SULT1E1: variants seen among roughly 807,000 people sequenced by gnomAD.
SULT1E1 encodes the protein sulfotransferase family 1E member 1, also known as sulfotransferase 1E1.
A neutral mutation model predicts 33.6 loss-of-function variants in SULT1E1; 36 were observed. The observed-to-expected ratio is 1.07, with a 90% CI of 0.82 to 1.41. The LOEUF is 1.41. Among genes scored for constraint, SULT1E1 ranks in the 40% most tolerant of loss-of-function variants. The probability of loss-of-function intolerance (pLI) is 0.00; values close to 1 mark genes in which losing one functional copy is unlikely to be tolerated. For missense variants in SULT1E1, 371 were observed against 345.7 expected, an observed-to-expected ratio of 1.07 and a Z score of -0.58; for synonymous variants, 121 against 111.7, an observed-to-expected ratio of 1.08 and a Z score of -0.53.
chr4:69,832,680 C>A, the SULT1E1 span, among the ~76,000 whole-genome samples: 381 of 150,628 alleles, frequency 2.5e-3, 1 homozygote, highest in Non-Finnish European at 4.2e-3. Context: ...CATCTTGCGA[C>A]CCCCCCACCA....
chr4:69,826,266 A>C, the SULT1E1 span, among the ~76,000 whole-genome samples: 1 of 152,210 alleles, frequency 6.6e-6, no homozygotes, highest in East Asian at 1.9e-4. Context: ...CTAACAGGAG[A>C]ATGCTTAGGA....
the SULT1E1 span, among the ~76,000 whole-genome samples, chr4:69,835,362 T>TA: frequency 3.9e-5 from 6 of 152,262 alleles, no homozygotes; most frequent in African/African-American, 1.4e-4. Context: ...GTGCGTGTCT[T>TA]ACTGTCTTTG....
the SULT1E1 span, among the ~76,000 whole-genome samples, chr4:69,823,674 A>T: frequency 1.3e-5 from 2 of 152,304 alleles, no homozygotes; most frequent in South Asian, 4.1e-4. Context: ...CTTTGTAAAT[A>T]GCCCCATGAA....
At chr4:69,824,478 T>C in the SULT1E1 span, among the ~76,000 whole-genome samples, 16 of 152,192 alleles carry the variant, frequency 1.1e-4, no homozygotes, top group Non-Finnish European at 1.8e-4. Flanking sequence ...GAGCTCCTTT[T>C]TTCTCACTTT....
chr4:69,835,138 G>T, the SULT1E1 span, among the ~76,000 whole-genome samples: 1 of 151,906 alleles, frequency 6.6e-6, no homozygotes, highest in Admixed American at 6.6e-5. Flanking sequence ...TTTTCCCTCT[G>T]CCCAGAACAT....
At chr4:69,834,612 C>T in the SULT1E1 span, among the ~76,000 whole-genome samples, 2 of 152,098 alleles carry the variant, frequency 1.3e-5, no homozygotes, top group South Asian at 4.1e-4. Flanking sequence ...TGGTAAATCA[C>T]CAGTTTGTGA....
chr4:69,831,399 T>C, the SULT1E1 span, among the ~76,000 whole-genome samples: 1 of 152,166 alleles, frequency 6.6e-6, no homozygotes, highest in South Asian at 2.1e-4. Context: ...TATTGAGGCA[T>C]GAATTGATAT....
intron 2 of SULT1E1, 51 bp from the exon 3 acceptor site, chr4:69,855,477 G>A: frequency 6.4e-7 from 1 of 1,565,142 alleles, no homozygotes; most frequent in Non-Finnish European, 8.6e-7. Flanking sequence ...TAGAGTTGAT[G>A]ACATTAGTGC....
chr4:69,835,660 A>G, the SULT1E1 span, among the ~76,000 whole-genome samples: 1 of 152,264 alleles, frequency 6.6e-6, no homozygotes, highest in Non-Finnish European at 1.5e-5. Context: ...TATGATTTCT[A>G]TATCATACAC....
intron 6 of SULT1E1, among the ~76,000 whole-genome samples, chr4:69,846,911 G>T (rs1002096527): frequency 3.3e-5 from 5 of 151,700 alleles, no homozygotes; most frequent in African/African-American, 4.8e-5. Context: ...TAAAAAATTT[G>T]TGTATTGATA....
At chr4:69,840,381 T>C (rs572071557), downstream of SULT1E1, among the ~76,000 whole-genome samples, 1 of 152,276 alleles carries the variant, frequency 6.6e-6, no homozygotes. Flanking sequence ...TAAGTAAATA[T>C]GTAATGATCT....
At chr4:69,858,681 A>T (rs1721303420) in intron 1 of SULT1E1, among the ~76,000 whole-genome samples, 1 of 152,142 alleles carries the variant, frequency 6.6e-6, no homozygotes, top group Non-Finnish European at 1.5e-5. Context: ...ATCATATCAG[A>T]TGTAATGTCA....
the SULT1E1 span, among the ~76,000 whole-genome samples, chr4:69,828,147 T>C: frequency 6.6e-6 from 1 of 152,214 alleles, no homozygotes; most frequent in African/African-American, 2.4e-5. Flanking sequence ...TCCTTGACAC[T>C]GGTGAGGCCT....
chr4:69,858,680 G>T (rs1721303356), intron 1 of SULT1E1, among the ~76,000 whole-genome samples: 1 of 152,070 alleles, frequency 6.6e-6, no homozygotes, highest in Admixed American at 6.5e-5. Context: ...CATCATATCA[G>T]ATGTAATGTC....
chr4:69,828,914 C>T, the SULT1E1 span, among the ~76,000 whole-genome samples: 1 of 152,166 alleles, frequency 6.6e-6, no homozygotes, highest in Non-Finnish European at 1.5e-5. Flanking sequence ...TGGAGCAAGA[C>T]ACAGTCACTG....
intron 5 of SULT1E1, 80 bp downstream of exon 5, chr4:69,849,357 A>T (rs560644413): frequency 1.3e-6 from 2 of 1,522,100 alleles, no homozygotes; most frequent in South Asian, 2.4e-5. Context: ...GTACCAGAAC[A>T]GTTAAAAACT....
At chr4:69,840,133 A>G (rs1720856976), downstream of SULT1E1, among the ~76,000 whole-genome samples, 3 of 152,316 alleles carry the variant, frequency 2.0e-5, no homozygotes, top group South Asian at 6.2e-4. Context: ...TTCCCCCGGT[A>G]AACACTGTCC....
At chr4:69,855,564 G>A (rs1021236877) in intron 2 of SULT1E1, 138 bp from the exon 3 acceptor site, 2 of 684,072 alleles carry the variant, frequency 2.9e-6, no homozygotes, top group Non-Finnish European at 4.4e-6. Flanking sequence ...CACAGACTCA[G>A]GAAATATTTT....
chr4:69,838,369 A>C (rs946890031), downstream of SULT1E1: 7 of 152,114 alleles, frequency 4.6e-5, no homozygotes, highest in Admixed American at 4.6e-4. Flanking sequence ...ATATTGGGCC[A>C]AAATCCAGAA....
Sources: allele counts gnomAD v4.1 joint callset (sites outside exome capture counted in the v4.1 genomes callset), GRCh38; gene constraint gnomAD v4.1.1; transcripts MANE v1.5; gene names NCBI Gene and HGNC (gene_info 2026-07-23, HGNC 2026-07-21).